HDHD5: variants seen among roughly 807,000 people sequenced by gnomAD.
HDHD5 encodes haloacid dehalogenase-like hydrolase domain-containing 5.
In HDHD5, 34 loss-of-function variants were observed where a neutral mutation model predicts 35.5. The ratio of observed to expected loss-of-function variants is 0.96; its 90% confidence interval spans 0.73 to 1.28. The LOEUF (loss-of-function observed/expected upper bound fraction) is 1.28, where lower values mean the gene tolerates loss of function less well. HDHD5 is among the 50% of genes most tolerant of loss of function. The pLI is 0.00. For missense variants in HDHD5, 589 were observed against 560.2 expected, an observed-to-expected ratio of 1.05 and a Z score of -0.52; for synonymous variants, 248 against 240.6, an observed-to-expected ratio of 1.03 and a Z score of -0.29.
Position 17,138,289 on chromosome 22 carries a change from T to C in HDHD5, c.1004A>G (p.Asp335Gly). The change falls in exon 8 of 8, where the codon GAT becomes GGT. Residue 335 changes from aspartate (D) to glycine (G), a missense_variant. Asp to Gly is a moderately conservative substitution (Grantham distance 94, BLOSUM62 -1). Coordinates refer to ENST00000336737, the MANE Select transcript of HDHD5 (RefSeq NM_033070.3). ...FHQYLQKATH[D>G]GAPELGAGGT... ...CCCGGCCCCTAGTTCTGGCGCCCCA[T>C]CATGCGTTGCCTTCTGCAGGTACTG... is the stretch of plus-strand genomic sequence containing the variant. 6.2e-7 allele frequency: 1 copy of C among 1,614,122 alleles called. No individual in the cohort carries two copies. Among genetic ancestry groups the C allele is most frequent in the Non-Finnish European group, 8.5e-7 (1 of 1,180,036 alleles).
chr22:17,148,458 T>G lies in HDHD5; in HGVS notation c.433A>C (p.Asn145His). 1 of 1,613,898 alleles carries G rather than the reference T, an allele frequency of 6.2e-7. No homozygotes were observed. Among genetic ancestry groups the G allele is most frequent in the Middle Eastern group, 1.7e-4 (1 of 6,060 alleles). Residue 145 changes from asparagine (N) to histidine (H), a missense_variant, in exon 3 of 8, where the codon AAT (asparagine) becomes CAT (histidine). Transcript: ENST00000336737. ...LVSGQGPVME[N>H]AQGLGFRNVV... ...AGACCAAAAGGATACCCCTGGGCAT[T>G]TTCCATCACGGGCCCCTGTCCAGAC...
upstream of HDHD5, chr22:17,159,614 G>T (rs1284554643): frequency 2.5e-6 from 1 of 406,060 alleles, no homozygotes; most frequent in East Asian, 1.1e-4. Flanking sequence ...CTGGGCCGGG[G>T]GTCTCAACCT....
At chr22:17,157,943 G>C (rs2061817939) in intron 1 of HDHD5, among the ~76,000 whole-genome samples, 1 of 152,156 alleles carries the variant, frequency 6.6e-6, no homozygotes, top group African/African-American at 2.4e-5. Context: ...TACTTTCCTC[G>C]GAGTTGTTAT....
rs1406461433 is a variant in HDHD5, at chr22:17,137,924, C to A, written c.*97G>T. The A allele has an allele frequency of 6.7e-6, 7 of 1,040,174 alleles. No homozygotes were observed. The highest frequency in any genetic ancestry group is 8.3e-6 in the Non-Finnish European group (6 of 719,380). 64.4% of individuals were successfully genotyped at this position (1,040,174 alleles called of 1,614,324 possible). A position where few individuals can be genotyped will look rare whatever the true frequency, so the allele number is the denominator to read the frequency against. Reference sequence around the variant, plus strand: ...GGCAGCAAGAAGGGTGGCAAGGGAACCAAGCCCTGACCTGAGCCCAGTGAT... The same window carrying A: ...GGCAGCAAGAAGGGTGGCAAGGGAAACAAGCCCTGACCTGAGCCCAGTGAT... On this transcript the variant is annotated 3_prime_UTR_variant, in exon 8 of 8. Transcript: ENST00000336737.
At chr22:17,161,239 C>G (rs2061861505), upstream of HDHD5, among the ~76,000 whole-genome samples, 1 of 115,408 alleles carries the variant, frequency 8.7e-6, no homozygotes, top group Admixed American at 1.0e-4. Context: ...GAGTGAGACT[C>G]TATCTCAAAA....
At chr22:17,163,319 C>CT (rs1481551125), upstream of HDHD5, among the ~76,000 whole-genome samples, 1 of 152,178 alleles carries the variant, frequency 6.6e-6, no homozygotes, top group Non-Finnish European at 1.5e-5. Context: ...CCAGGATTCT[C>CT]TAACTTGAGC....
upstream of HDHD5, among the ~76,000 whole-genome samples, chr22:17,160,510 G>A (rs1333273839): frequency 6.6e-6 from 1 of 152,022 alleles, no homozygotes; most frequent in African/African-American, 2.4e-5. Flanking sequence ...TTAGCCAGGC[G>A]CGGTGGCAGG....
upstream of HDHD5, among the ~76,000 whole-genome samples, chr22:17,161,808 G>A (rs2061865343): frequency 1.3e-5 from 2 of 151,194 alleles, no homozygotes; most frequent in Non-Finnish European, 2.9e-5. Flanking sequence ...AGCTCAGGAG[G>A]CAGAGGTTGC....
At chr22:17,158,226 C>A (rs1379598232) in intron 1 of HDHD5, among the ~76,000 whole-genome samples, 2 of 151,860 alleles carry the variant, frequency 1.3e-5, no homozygotes, top group African/African-American at 4.8e-5. Context: ...GAGGCTGAGA[C>A]AGAAGAATCG....
At chr22:17,151,613 C>T (rs1601396314) in intron 1 of HDHD5, among the ~76,000 whole-genome samples, 1 of 151,942 alleles carries the variant, frequency 6.6e-6, no homozygotes, top group African/African-American at 2.4e-5. Context: ...GCCTGTCATC[C>T]CAGCTACTCG....
intron 1 of HDHD5, among the ~76,000 whole-genome samples, chr22:17,156,408 C>G (rs1228688143): frequency 2.6e-5 from 4 of 152,102 alleles, no homozygotes; most frequent in Middle Eastern, 3.2e-3. Flanking sequence ...GTCAGGAGTT[C>G]GAGACCAGTC....
chr22:17,138,874 CTG>C (rs1017579202), intron 6 of HDHD5, 136 bp from the exon 7 acceptor site: 21 of 860,758 alleles, frequency 2.4e-5, no homozygotes, highest in Non-Finnish European at 3.8e-5. Context: ...GTAGCAGACA[CTG>C]TGCAGGCACT....
chr22:17,158,262 A>C (rs34610686), intron 1 of HDHD5, among the ~76,000 whole-genome samples: 10,504 of 152,238 alleles, frequency 0.069, 494 homozygotes, highest in East Asian at 0.18. Context: ...CGGAGGTTGC[A>C]GTGAGCAGAG....
chr22:17,149,119 G>A (rs1313578080), intron 2 of HDHD5, among the ~76,000 whole-genome samples: 1 of 152,120 alleles, frequency 6.6e-6, no homozygotes, highest in African/African-American at 2.4e-5. Flanking sequence ...GGTTCCAAAG[G>A]ACTCTTTCCA....
intron 1 of HDHD5, 145 bp downstream of exon 1, chr22:17,158,981 C>T (rs2061835729): frequency 5.5e-6 from 4 of 723,894 alleles, no homozygotes; most frequent in Non-Finnish European, 1.8e-6. Context: ...CCAGCAAGAA[C>T]GCGATGCACT....
At chr22:17,165,128 G>A in intron 1 of HDHD5, 1 of 726,310 alleles carries the variant, frequency 1.4e-6, no homozygotes. Context: ...TTTCCTACTA[G>A]TCATGTTTCC....
upstream of HDHD5, among the ~76,000 whole-genome samples, chr22:17,163,469 G>A (rs2061875289): frequency 6.6e-6 from 1 of 152,180 alleles, no homozygotes; most frequent in Non-Finnish European, 1.5e-5. Flanking sequence ...TTAGGAGTTA[G>A]CATGTCTCTG....
At chr22:17,152,944 G>A (rs1424985961) in intron 1 of HDHD5, among the ~76,000 whole-genome samples, 5 of 152,056 alleles carry the variant, frequency 3.3e-5, no homozygotes, top group Non-Finnish European at 5.9e-5. Flanking sequence ...AGCAGGAGGA[G>A]GGCAGGGACC....
intron 6 of HDHD5, among the ~76,000 whole-genome samples, chr22:17,140,732 T>C (rs1162899906): frequency 6.6e-6 from 1 of 152,188 alleles, no homozygotes; most frequent in African/African-American, 2.4e-5. Flanking sequence ...TGTGCACAGA[T>C]ACGGTACAAA....
Sources: allele counts gnomAD v4.1 joint callset (sites outside exome capture counted in the v4.1 genomes callset), GRCh38; gene constraint gnomAD v4.1.1; transcripts MANE v1.5; gene names NCBI Gene and HGNC (gene_info 2026-07-23, HGNC 2026-07-21).